The following SPON2 variants were observed in gnomAD, a reference collection of about 807,000 sequenced individuals.
SPON2 encodes the protein spondin 2, also known as spondin-2.
In SPON2, 32 loss-of-function variants were observed where a neutral mutation model predicts 29.9. The ratio of observed to expected loss-of-function variants is 1.07; its 90% CI spans 0.81 to 1.44. The LOEUF (loss-of-function observed/expected upper bound fraction) is 1.44. SPON2 is among the 40% of genes most tolerant of loss of function. The pLI, the probability that SPON2 is intolerant of heterozygous loss-of-function variation, is 0.00. For synonymous variants in SPON2, 248 were observed against 209.1 expected, an observed-to-expected ratio of 1.19 and a Z score of -1.61; for missense variants, 541 against 455.5, an observed-to-expected ratio of 1.19 and a Z score of -1.71.
At chr4:1,188,202 C>CAAAAAAAAA (rs1164276990) in intron 1 of SPON2, among the ~76,000 whole-genome samples, 2 of 36,562 alleles carry the variant, frequency 5.5e-5, no homozygotes, top group African/African-American at 1.1e-4. Flanking sequence ...GACTCCGTCT[C>CAAAAAAAAA]AAAAAAAAAA....
rs1015415641 is a variant in SPON2, at chr4:1,202,243, G to C, written c.-234+5637C>G. On this transcript the variant is annotated intron_variant, in intron 1 of 3. Transcript: ENST00000509233. The surrounding 1 kb of genome is among the most constrained non-coding windows in gnomAD (Gnocchi z 5.4). ...TTGCACGTCGCATCCTCACCGGCTG[G>C]AGGGTGGGTCTGCCCCACAAGCCCT... 6.6e-6 allele frequency among the ~76,000 whole-genome samples: 1 copy of C among 152,208 alleles called. No homozygotes were observed. Among genetic ancestry groups the C allele is most frequent in the Non-Finnish European group, 1.5e-5 (1 of 68,038 alleles).
At chr4:1,187,710 CCCT>C (rs1299104684) in intron 1 of SPON2, among the ~76,000 whole-genome samples, 3 of 152,068 alleles carry the variant, frequency 2.0e-5, no homozygotes, top group African/African-American at 7.2e-5. Flanking sequence ...TAGCTCTGTT[CCCT>C]CCTCCTCCTC....
upstream of SPON2, among the ~76,000 whole-genome samples, chr4:1,176,376 A>C (rs1259658482): frequency 6.6e-6 from 1 of 152,062 alleles, no homozygotes; most frequent in African/African-American, 2.4e-5. Context: ...ACATACACAC[A>C]CAGTACATTC....
Position 1,167,413 on chromosome 4 carries a change from A to C in SPON2, c.*59T>G. On this transcript the variant is annotated 3_prime_UTR_variant, in exon 6 of 6. Transcript: ENST00000290902. ...TCGGCCGCCTGCAGCATGAGCCTGC[A>C]CAGGAGCCCCCGACACCCCATGGCT... 6.5e-7 allele frequency: 1 copy of C among 1,543,368 alleles called. No homozygotes were observed. Among genetic ancestry groups the C allele is most frequent in the Non-Finnish European group, 8.8e-7 (1 of 1,135,546 alleles).
chr4:1,171,660 C>A (rs1473076189), intron 2 of SPON2, 174 bp from the exon 3 acceptor site: 1 of 774,694 alleles, frequency 1.3e-6, no homozygotes, highest in Non-Finnish European at 2.0e-6. Flanking sequence ...CTGCGCCCTC[C>A]CCGTGAGCGC....
At chr4:1,173,306 T>A (rs374284348), upstream of SPON2, 10 of 152,652 alleles carry the variant, frequency 6.6e-5, no homozygotes, top group African/African-American at 2.4e-4. Context: ...CCAGAGGGCA[T>A]TTGCAAGCCA....
intron 1 of SPON2, among the ~76,000 whole-genome samples, chr4:1,194,664 G>A (rs539681312): frequency 7.9e-5 from 12 of 152,298 alleles, no homozygotes; most frequent in Admixed American, 7.8e-4. Flanking sequence ...GAAAGTCTGA[G>A]CTGGCCCCGC....
intron 1 of SPON2, among the ~76,000 whole-genome samples, chr4:1,192,272 A>G (rs1727929198): frequency 6.6e-6 from 1 of 152,092 alleles, no homozygotes; most frequent in Non-Finnish European, 1.5e-5. Context: ...AGCTCTACTG[A>G]GTGTGGGACT....
chr4:1,206,090 G>A (rs1577002716), intron 1 of SPON2, among the ~76,000 whole-genome samples: 2 of 152,300 alleles, frequency 1.3e-5, no homozygotes, highest in South Asian at 4.1e-4. Context: ...TCTCCTGCCT[G>A]GTCTCCTCCC....
intron 1 of SPON2, among the ~76,000 whole-genome samples, chr4:1,190,694 G>T (rs1315228106): frequency 2.6e-5 from 4 of 152,170 alleles, no homozygotes; most frequent in African/African-American, 9.7e-5. Flanking sequence ...CAGATGACAT[G>T]ATTTCATGCA....
At chr4:1,204,382 C>T (rs1403819453) in intron 1 of SPON2, among the ~76,000 whole-genome samples, 1 of 152,200 alleles carries the variant, frequency 6.6e-6, no homozygotes, top group Non-Finnish European at 1.5e-5. Flanking sequence ...ATTAGACGGG[C>T]ACTGACTGTC....
chr4:1,202,043 C>A lies in SPON2; in HGVS notation c.-234+5837G>T, dbSNP rs1028596781. Among the ~76,000 whole-genome samples the A allele has an allele frequency of 7.5e-4, 114 of 152,234 alleles. No individual in the cohort carries two copies. Among genetic ancestry groups the A allele is most frequent in the Non-Finnish European group, 7.3e-5 (5 of 68,040 alleles). Reference sequence around the variant, plus strand: ...AAGTTGTGCAACCATCCCCACTCATCTCACTCCGGAACACGTTCATCATCC... The same window carrying A: ...AAGTTGTGCAACCATCCCCACTCATATCACTCCGGAACACGTTCATCATCC... On this transcript the variant is annotated intron_variant, in intron 1 of 3. Coordinates refer to the SPON2 transcript ENST00000509233. This position sits in a 1 kb window ranked among gnomAD's most constrained non-coding sequence, Gnocchi z 5.4.
At chr4:1,183,006 C>T (rs1315293328) in intron 1 of SPON2, among the ~76,000 whole-genome samples, 2 of 152,054 alleles carry the variant, frequency 1.3e-5, no homozygotes, top group African/African-American at 4.8e-5. Flanking sequence ...TGTGGTGGCT[C>T]ACTCCTGTAA....
upstream of SPON2, among the ~76,000 whole-genome samples, chr4:1,196,036 C>T (rs1217474342): frequency 2.0e-5 from 3 of 152,168 alleles, no homozygotes; most frequent in Non-Finnish European, 4.4e-5. Flanking sequence ...TCCTGGCACC[C>T]TCCCCTCAAG....
In SPON2 at chr4:1,171,074, G is replaced by C. The variant is rs747913068; in HGVS notation, c.561C>G (p.Tyr187Ter). ...REQAALDLYP[Y>*]DAGTDSGFTF... ...TGAAGCCGCTGTCCGTCCCGGCGTC[G>C]TAGGGGTACAGGTCCAGCGCCGCCT... Residue 187 changes from tyrosine to a stop codon, truncating the protein, a stop_gained, in exon 4 of 6, where the codon TAC becomes TAG. Transcript: ENST00000290902. LOFTEE classifies it high-confidence loss of function. 5.8e-6 allele frequency: 9 copies of C among 1,550,082 alleles called. No individual in the cohort carries two copies. The highest frequency in any genetic ancestry group is 7.8e-6 in the Non-Finnish European group (9 of 1,146,546).
intron 1 of SPON2, among the ~76,000 whole-genome samples, chr4:1,189,000 T>C (rs1027726014): frequency 1.3e-5 from 2 of 152,134 alleles, no homozygotes; most frequent in African/African-American, 4.8e-5. Context: ...CTTACCACAA[T>C]TGAATGAAAT....
chr4:1,170,189 C>G (rs1444499289), intron 5 of SPON2: 2 of 573,494 alleles, frequency 3.5e-6, no homozygotes, highest in African/African-American at 3.8e-5. Flanking sequence ...TGGGCTGTGG[C>G]CCTGTAAGAT....
chr4:1,207,201 C>G (rs1437482338), intron 1 of SPON2, among the ~76,000 whole-genome samples: 1 of 152,148 alleles, frequency 6.6e-6, no homozygotes, highest in Non-Finnish European at 1.5e-5. Flanking sequence ...CGGGCCCCGC[C>G]AGGTGTGACT....
upstream of SPON2, among the ~76,000 whole-genome samples, chr4:1,195,359 G>T (rs946560224): frequency 6.6e-6 from 1 of 152,118 alleles, no homozygotes; most frequent in African/African-American, 2.4e-5. Flanking sequence ...CCGGCCCCCT[G>T]GCCCGTCGGT....
Sources: allele counts gnomAD v4.1 joint callset (sites outside exome capture counted in the v4.1 genomes callset), GRCh38; gene constraint gnomAD v4.1.1; non-coding constraint Gnocchi (gnomAD v3.1); transcripts MANE v1.5; gene names NCBI Gene and HGNC (gene_info 2026-07-23, HGNC 2026-07-21).